The following MGA variants were observed in gnomAD, a reference collection of about 807,000 sequenced individuals.
MGA encodes MAX dimerization protein MGA, also known as MAX gene-associated protein.
Under a neutral mutation model 261.1 loss-of-function variants are expected in MGA, and 40 were observed. That is an observed-to-expected ratio of 0.15 (90% confidence interval 0.12 to 0.20). The LOEUF (loss-of-function observed/expected upper bound fraction) is 0.20, where lower values mean the gene tolerates loss of function less well. MGA is among the 10% of genes least tolerant of loss of function. The pLI is 1.00. For synonymous variants in MGA, 1,302 were observed against 1,290.6 expected, an observed-to-expected ratio of 1.01 and a Z score of -0.19; for missense variants, 3,397 against 3,630.5, an observed-to-expected ratio of 0.94 and a Z score of 1.65.
In MGA at chr15:41,696,660, G is replaced by A; in HGVS notation, c.1650G>A (p.Gln550=). ...AATATCCCTTACTGAAAGAGCCTCA[G>A]TGGAAATATCCTGATATATCTGACA... The change falls in exon 3 of 24, where the codon CAG becomes CAA. Residue 550 remains glutamine (Q), a synonymous_variant. Coordinates refer to ENST00000219905, the MANE Select transcript of MGA (RefSeq NM_001164273.2). The A allele has an allele frequency of 6.2e-7, 1 of 1,613,030 alleles. No individual in the cohort carries two copies.
At chr15:41,699,537 C>A (rs1000469795) in intron 5 of MGA, among the ~76,000 whole-genome samples, 1 of 152,152 alleles carries the variant, frequency 6.6e-6, no homozygotes, top group Non-Finnish European at 1.5e-5. Context: ...TTCGCTCTGT[C>A]GCCCAGGCGG....
intron 5 of MGA, 119 bp from the exon 6 acceptor site, chr15:41,707,607 ATC>A: frequency 1.1e-6 from 1 of 900,392 alleles, no homozygotes; most frequent in Non-Finnish European, 1.6e-6. Flanking sequence ...GCTCTTCACT[ATC>A]TCCTTTCTCT....
chr15:41,729,235 A>G lies in MGA; in HGVS notation c.3729A>G (p.Val1243=). 1 of 1,613,924 alleles carries G rather than the reference A, an allele frequency of 6.2e-7. No individual in the cohort carries two copies. The highest frequency in any genetic ancestry group is 8.5e-7 in the Non-Finnish European group (1 of 1,179,860). Residue 1243 remains valine, a synonymous_variant, in exon 11 of 24, where the codon GTA becomes GTG. Transcript: ENST00000219905. ...TGATGACTTGTGCTCGAGTTCGAGT[A>G]TATGAGCGAAAAAAAGAGGACCAGA... is the stretch of plus-strand genomic sequence containing the variant.
At chr15:41,731,100 A>G (rs992059157) in intron 11 of MGA, among the ~76,000 whole-genome samples, 27 of 152,220 alleles carry the variant, frequency 1.8e-4, no homozygotes, top group African/African-American at 5.5e-4. Context: ...ATTAATGCCA[A>G]TTCTTCTTAA....
At chr15:41,674,760 C>T (rs7163575) in intron 2 of MGA, among the ~76,000 whole-genome samples, 31 of 151,988 alleles carry the variant, frequency 2.0e-4, no homozygotes, top group African/African-American at 7.0e-4. Flanking sequence ...CCTCTTGATC[C>T]GCCCGCCTTG....
intron 3 of MGA, among the ~76,000 whole-genome samples, chr15:41,697,227 TAAA>T (rs930759113): frequency 1.6e-4 from 25 of 152,210 alleles, no homozygotes; most frequent in African/African-American, 5.8e-4. Context: ...TGAATAGACT[TAAA>T]AAAGTATGTC....
At chr15:41,757,863 A>G in intron 19 of MGA, 24 bp downstream of exon 19, 1 of 1,558,216 alleles carries the variant, frequency 6.4e-7, no homozygotes, top group Non-Finnish European at 8.8e-7. Flanking sequence ...ATTTAGTGAT[A>G]ATTACTCATT....
chr15:41,721,775 A>G (rs892347787), intron 9 of MGA, among the ~76,000 whole-genome samples: 3 of 152,214 alleles, frequency 2.0e-5, no homozygotes, highest in Non-Finnish European at 4.4e-5. Context: ...AAATAGGTGT[A>G]ACCGCTTTGG....
intron 1 of MGA, among the ~76,000 whole-genome samples, chr15:41,662,216 G>A (rs1453640185): frequency 6.6e-6 from 1 of 152,054 alleles, no homozygotes; most frequent in Non-Finnish European, 1.5e-5. Context: ...CAGTGCCCTG[G>A]GTACCTTGGC....
At chr15:41,635,406 AAC>A (rs1040889576) in intron 1 of MGA, among the ~76,000 whole-genome samples, 1 of 79,430 alleles carries the variant, frequency 1.3e-5, no homozygotes, top group African/African-American at 3.0e-5. Context: ...ACCAAACACA[AAC>A]ACACACACAC....
chr15:41,762,313 C>T lies in MGA; in HGVS notation c.7695C>T (p.Asn2565=), dbSNP rs767159838. 1.2e-6 allele frequency: 2 copies of T among 1,613,780 alleles called. No individual in the cohort carries two copies. The highest frequency in any genetic ancestry group is 1.7e-5 in the Admixed American group (1 of 59,998). Residue 2565 remains asparagine, a synonymous_variant, in exon 22 of 24, where the codon AAC becomes AAT. Coordinates refer to ENST00000219905, the MANE Select transcript of MGA (RefSeq NM_001164273.2). ...ATCTTGGACAGATGTTTATAAATAA[C>T]AGGAGGGGGAAACCTTTGATTCTTT... is the stretch of plus-strand genomic sequence containing the variant.
intron 2 of MGA, among the ~76,000 whole-genome samples, chr15:41,687,381 T>G (rs1251995184): frequency 2.0e-5 from 3 of 152,226 alleles, no homozygotes; most frequent in Non-Finnish European, 4.4e-5. Context: ...ACAGTCATGC[T>G]TGTCTTTTGT....
rs200860323 is a variant in MGA at position 41,631,828 on chromosome 15, AAAT to A, written c.-68+10537_-68+10539del. On this transcript the variant is annotated intron_variant, in intron 1 of 8. Transcript: ENST00000566718. ...TTTGAGAAGATAAATACATAAGCACAAATAATAATTTCTAATATGCCAGCTATC... is the reference window on the plus strand; with the variant it reads ...TTTGAGAAGATAAATACATAAGCACAAATAATTTCTAATATGCCAGCTATC... Among the ~76,000 whole-genome samples the A allele has an allele frequency of 3.2e-3, 487 of 152,334 alleles. 6 individuals are homozygous for A. The South Asian group carries it at 0.034, about 11-fold the overall frequency.
chr15:41,759,290 G>C (rs747979767), intron 19 of MGA, among the ~76,000 whole-genome samples: 1 of 151,794 alleles, frequency 6.6e-6, no homozygotes, highest in African/African-American at 2.4e-5. Context: ...ATTGAAAATG[G>C]AAAAAAATAA....
intron 11 of MGA, among the ~76,000 whole-genome samples, chr15:41,731,119 G>A (rs947813988): frequency 6.6e-6 from 1 of 152,058 alleles, no homozygotes; most frequent in Non-Finnish European, 1.5e-5. Context: ...AAAAGCTCCT[G>A]TATTTTAAAA....
chr15:41,729,827 T>A (rs1422295146), intron 11 of MGA, among the ~76,000 whole-genome samples: 2 of 151,928 alleles, frequency 1.3e-5, no homozygotes, highest in African/African-American at 4.8e-5. Flanking sequence ...AGAGTGAGAC[T>A]CTGTTTCAAA....
rs566252390 is a variant in MGA at position 41,767,217 on chromosome 15, A to T, written c.9135A>T (p.Thr3045=). The T allele has an allele frequency of 2.5e-6, 4 of 1,614,030 alleles. No homozygotes were observed. In the East Asian group the frequency reaches 8.9e-5, roughly 36 times the overall value. The change falls in exon 24 of 24, where the codon ACA becomes ACT. Residue 3045 remains threonine, a synonymous_variant. Transcript: ENST00000219905. ...GCCGGGAAAGCAAGGTGATGCCTAC[A>T]TTGGCACCTGTTGTGGCTAAATTGG...
Position 41,669,260 on chromosome 15 carries a change from T to C in MGA, c.366T>C (p.Ile122=). 1 of 1,614,010 alleles carries C rather than the reference T, an allele frequency of 6.2e-7. No individual in the cohort carries two copies. The highest frequency in any genetic ancestry group is 8.5e-7 in the Non-Finnish European group (1 of 1,179,864). ...GTTTAGATTCAAATTTGAAGTATAT[T>C]CTTGTCATGGATATATCTCCTGTGG... The change falls in exon 2 of 24, where the codon ATT becomes ATC. Residue 122 remains isoleucine, a synonymous_variant. Coordinates refer to ENST00000219905, the MANE Select transcript of MGA (RefSeq NM_001164273.2).
intron 1 of MGA, among the ~76,000 whole-genome samples, chr15:41,639,514 G>A (rs539832843): frequency 6.2e-5 from 9 of 144,458 alleles, no homozygotes; most frequent in Admixed American, 4.1e-4. Context: ...GGAGCATGTA[G>A]TTTTTTTTTT....
Sources: gnomAD v4.1 joint callset for allele counts (sites outside exome capture counted in the v4.1 genomes callset) on GRCh38, gnomAD v4.1.1 for gene constraint, MANE v1.5 for transcripts, NCBI Gene and HGNC (gene_info 2026-07-23, HGNC 2026-07-21) for gene names.